HERC2: variants seen among roughly 807,000 people sequenced by gnomAD.
The protein encoded by HERC2 is E3 ubiquitin-protein ligase HERC2.
A neutral mutation model predicts 537.7 loss-of-function variants in HERC2; 102 were observed. That is an observed-to-expected ratio of 0.19 (90% CI 0.16 to 0.22). The LOEUF (loss-of-function observed/expected upper bound fraction) is 0.22. HERC2 is among the 10% of genes least tolerant of loss of function. The pLI is 1.00. For missense variants in HERC2, 4,236 were observed against 6,198.2 expected, an observed-to-expected ratio of 0.68 and a Z score of 10.63; for synonymous variants, 2,224 against 2,466.2, an observed-to-expected ratio of 0.90 and a Z score of 2.91.
At chr15:28,188,351 G>A (rs1157015128) in intron 55 of HERC2, among the ~76,000 whole-genome samples, 1 of 151,980 alleles carries the variant, frequency 6.6e-6, no homozygotes, top group Admixed American at 6.6e-5. Context: ...GACCATCCTC[G>A]CTAACGGTGA....
At chr15:28,123,846 G>C (rs762843717) in intron 85 of HERC2, among the ~76,000 whole-genome samples, 191 bp downstream of exon 85, 4 of 152,198 alleles carry the variant, frequency 2.6e-5, no homozygotes, top group Non-Finnish European at 4.4e-5. Flanking sequence ...CTCCAAAAGG[G>C]AACAGATTTT....
At chr15:28,285,984 GAT>G (rs537479999) in intron 4 of HERC2, among the ~76,000 whole-genome samples, 20 of 151,854 alleles carry the variant, frequency 1.3e-4, no homozygotes, top group Admixed American at 1.0e-3. Context: ...ATATAAAATA[GAT>G]CATTTGAATA....
intron 52 of HERC2, among the ~76,000 whole-genome samples, chr15:28,193,798 G>A (rs113981350): frequency 0.024 from 3,690 of 152,194 alleles, 141 homozygotes; most frequent in African/African-American, 0.084. Context: ...TTAAAGTGGT[G>A]AAAGAAAACA....
intron 14 of HERC2, 110 bp from the exon 15 acceptor site, chr15:28,263,279 G>T: frequency 1.7e-6 from 2 of 1,208,008 alleles, no homozygotes; most frequent in South Asian, 1.5e-5. Context: ...GACCACTCAG[G>T]TACATAGTTA....
In HERC2 at chr15:28,237,060, C is replaced by T. The variant is rs1486970015; in HGVS notation, c.3906G>A (p.Leu1302=). The change falls in exon 26 of 93, where the codon CTG becomes CTA. Residue 1302 remains leucine (L), a synonymous_variant. Coordinates refer to ENST00000261609, the MANE Select transcript of HERC2 (RefSeq NM_004667.6). ...GGCCCAGATTCCTCTCTGTGTCTAT[C>T]AGAGGTGAAGAGAGACTCCCCAGAT... ...IPDLGSLSSP[L]IDTERNLGLL... 1.9e-6 allele frequency: 3 copies of T among 1,605,432 alleles called. No individual in the cohort carries two copies. Among genetic ancestry groups the T allele is most frequent in the South Asian group, 1.1e-5 (1 of 90,830 alleles).
intron 56 of HERC2, among the ~76,000 whole-genome samples, chr15:28,186,172 A>G (rs1433580325): frequency 6.6e-6 from 1 of 152,244 alleles, no homozygotes; most frequent in Non-Finnish European, 1.5e-5. Flanking sequence ...ATATTTCACC[A>G]TAATAAAAAA....
chr15:28,232,704 C>T (rs545684444), intron 30 of HERC2, among the ~76,000 whole-genome samples: 2 of 152,210 alleles, frequency 1.3e-5, no homozygotes, highest in Non-Finnish European at 2.9e-5. Context: ...ACAGCTACTT[C>T]CAGGAAAATG....
At chr15:28,281,148 A>C (rs1192958943) in intron 4 of HERC2, among the ~76,000 whole-genome samples, 3 of 152,076 alleles carry the variant, frequency 2.0e-5, no homozygotes, top group African/African-American at 4.8e-5. Flanking sequence ...CTAACTAGTG[A>C]GTAAGTGATA....
At chr15:28,156,167 T>C (rs1566951980) in intron 69 of HERC2, among the ~76,000 whole-genome samples, 2 of 152,304 alleles carry the variant, frequency 1.3e-5, no homozygotes, top group South Asian at 2.1e-4. Context: ...TTACTGTAGC[T>C]TTGTAGTATA....
At chr15:28,230,299 C>A in intron 31 of HERC2, 68 bp downstream of exon 31, 2 of 1,494,404 alleles carry the variant, frequency 1.3e-6, no homozygotes, top group Non-Finnish European at 1.8e-6. Context: ...CAGGACAAGA[C>A]TGTGGATTCC....
intron 66 of HERC2, 49 bp downstream of exon 66, chr15:28,169,435 G>A: frequency 2.9e-6 from 4 of 1,367,228 alleles, no homozygotes; most frequent in Non-Finnish European, 4.0e-6. Context: ...TCACAAAAAT[G>A]TGAAGCTCAC....
At chr15:28,303,642 T>C (rs1596446002) in intron 2 of HERC2, among the ~76,000 whole-genome samples, 1 of 152,198 alleles carries the variant, frequency 6.6e-6, no homozygotes, top group East Asian at 1.9e-4. Context: ...CTTTGGGTAG[T>C]ACAGACATTT....
intron 35 of HERC2, among the ~76,000 whole-genome samples, chr15:28,226,276 C>T (rs2140552887): frequency 6.6e-6 from 1 of 152,236 alleles, no homozygotes; most frequent in South Asian, 2.1e-4. Context: ...TATGGAAAAG[C>T]CAGCCTTGAA....
In HERC2 at chr15:28,291,085, C is replaced by T. The variant is rs1488068074; in HGVS notation, c.322+1803G>A. ...GATCCAAACGGAAAGAGAGAAAATACAAGGCACATTTCAGCACATTTCTGG... is the reference window on the plus strand; with the variant it reads ...GATCCAAACGGAAAGAGAGAAAATATAAGGCACATTTCAGCACATTTCTGG... On this transcript the variant is annotated intron_variant, in intron 4 of 92. Coordinates refer to ENST00000261609, the MANE Select transcript of HERC2 (RefSeq NM_004667.6). Among the ~76,000 whole-genome samples, 13 of 152,288 alleles carry T rather than the reference C, an allele frequency of 8.5e-5. No homozygotes were observed. The South Asian group carries it at 1.7e-3, about 19-fold the overall frequency.
At chr15:28,247,648 T>C (rs568487865) in intron 21 of HERC2, among the ~76,000 whole-genome samples, 11 of 152,136 alleles carry the variant, frequency 7.2e-5, no homozygotes, top group Non-Finnish European at 1.5e-4. Flanking sequence ...CAGGCTGGTC[T>C]TGAACTCCTG....
In HERC2 at chr15:28,312,427, G is replaced by C. The variant is rs1279809186; in HGVS notation, c.72+8935C>G. Among the ~76,000 whole-genome samples the C allele has an allele frequency of 2.6e-5, 4 of 152,412 alleles. No homozygotes were observed. The East Asian group carries it at 7.7e-4, about 29-fold the overall frequency. On this transcript the variant is annotated intron_variant, in intron 2 of 92. Transcript: ENST00000261609. ...ACAGAAGAACTGCTTGAGGCCAAGA[G>C]TTCAAGATCAGCCTGGGCAACATGG...
At chr15:28,123,978 T>G in intron 85 of HERC2, 59 bp downstream of exon 85, 1 of 1,346,026 alleles carries the variant, frequency 7.4e-7, no homozygotes, top group East Asian at 2.5e-5. Flanking sequence ...GGAATTCTAT[T>G]GGGTTACATG....
At chr15:28,317,823 T>C (rs866702089) in intron 2 of HERC2, among the ~76,000 whole-genome samples, 5 of 152,360 alleles carry the variant, frequency 3.3e-5, no homozygotes, top group South Asian at 2.1e-4. Context: ...TTACATAAAA[T>C]GTAACCACTG....
intron 2 of HERC2, chr15:28,315,576 C>T (rs77572354): frequency 1.1e-5 from 5 of 455,560 alleles, no homozygotes; most frequent in Admixed American, 5.2e-5. Flanking sequence ...AGGTGGATCA[C>T]GAGCTCAGGA....
Sources: gnomAD v4.1 joint callset for allele counts (sites outside exome capture counted in the v4.1 genomes callset) on GRCh38, gnomAD v4.1.1 for gene constraint, MANE v1.5 for transcripts, NCBI Gene and HGNC (gene_info 2026-07-23, HGNC 2026-07-21) for gene names.